The following SLC2A7 variants were observed in gnomAD, a reference collection of about 807,000 sequenced individuals.
SLC2A7 encodes the protein solute carrier family 2 member 7, also known as solute carrier family 2, facilitated glucose transporter member 7.
In SLC2A7, 50 loss-of-function variants were observed where a neutral mutation model predicts 50.5. The observed-to-expected ratio is 0.99, with a 90% confidence interval of 0.79 to 1.25. SLC2A7 has a LOEUF of 1.25. SLC2A7 is among the 50% of genes most tolerant of loss of function. The probability of loss-of-function intolerance (pLI) is 0.00; values close to 1 mark genes in which losing one functional copy is unlikely to be tolerated. For synonymous variants in SLC2A7, 308 were observed against 300.4 expected (o/e 1.03, Z -0.26); for missense variants, 683 against 679.1 (o/e 1.01, Z -0.06).
chr1:9,024,149 C>T (rs1329961789), intron 2 of SLC2A7, among the ~76,000 whole-genome samples: 1 of 152,094 alleles, frequency 6.6e-6, no homozygotes, highest in Non-Finnish European at 1.5e-5. Context: ...CAGGCGTGAG[C>T]CACCGCTCCC....
At chr1:9,013,479 C>T in intron 8 of SLC2A7, 46 bp downstream of exon 8, 1 of 1,568,300 alleles carries the variant, frequency 6.4e-7, no homozygotes, top group Non-Finnish European at 8.7e-7. Context: ...CTGGCGGCAC[C>T]TGGCCAGAGA....
At position 9,005,675 on chromosome 1, in the gene SLC2A7, G is replaced by A. The variant is rs151320138; in HGVS notation, c.1193-796C>T. Among the ~76,000 whole-genome samples the A allele has an allele frequency of 6.8e-3, 1,028 of 151,468 alleles. 8 individuals carry two copies. The highest frequency in any genetic ancestry group is 0.011 in the Non-Finnish European group (723 of 67,904). On this transcript the variant is annotated intron_variant, in intron 10 of 11. Transcript: ENST00000400906. ...ATAAAAATTAGTCCGGCATGGTGGC[G>A]TGTGCCTGTAGTCCCAGCTACTCAG... is the stretch of plus-strand genomic sequence containing the variant.
intron 10 of SLC2A7, among the ~76,000 whole-genome samples, chr1:9,006,742 G>A (rs1200611640): frequency 6.6e-6 from 1 of 152,352 alleles, no homozygotes; most frequent in South Asian, 2.1e-4. Flanking sequence ...ACAGTCAGGG[G>A]TGTCTTTTCC....
chr1:9,009,727 G>C (rs1640717195), intron 9 of SLC2A7, among the ~76,000 whole-genome samples: 1 of 152,230 alleles, frequency 6.6e-6, no homozygotes. Context: ...CAAAGTGCTA[G>C]GATTGCAGGA....
chr1:9,005,904 C>T (rs1460117752), intron 10 of SLC2A7, among the ~76,000 whole-genome samples: 1 of 152,202 alleles, frequency 6.6e-6, no homozygotes, highest in Non-Finnish European at 1.5e-5. Context: ...CTCCTGCAGC[C>T]CAGTGACTTG....
rs1453112588 is a variant in SLC2A7 at position 9,025,018 on chromosome 1, G to A, written c.108C>T (p.Phe36=). ...ATLSAAFGSA[F]QYGYNLSVVN... ...CCACAGAGAGGTTGTAGCCGTACTG[G>A]AAGGCTGAGCCAAAGGCCGCGCTCA... Residue 36 remains phenylalanine (F), a synonymous_variant, in exon 2 of 12, where the codon TTC becomes TTT. Transcript: ENST00000400906. 3.1e-6 allele frequency: 5 copies of A among 1,613,684 alleles called. No individual in the cohort carries two copies. Among genetic ancestry groups the A allele is most frequent in the Non-Finnish European group, 4.2e-6 (5 of 1,180,010 alleles).
At chr1:9,006,061 C>T (rs1640649034) in intron 10 of SLC2A7, among the ~76,000 whole-genome samples, 1 of 152,170 alleles carries the variant, frequency 6.6e-6, no homozygotes, top group African/African-American at 2.4e-5. Flanking sequence ...CATGCTCTGA[C>T]CTCGCGTCTG....
intron 1 of SLC2A7, 117 bp from the exon 2 acceptor site, chr1:9,025,191 C>T: frequency 9.6e-7 from 1 of 1,044,902 alleles, no homozygotes; most frequent in South Asian, 1.4e-5. Flanking sequence ...GGATCCCAGG[C>T]CGTGCCCCCG....
At chr1:9,017,436 C>A (rs553524486) in intron 5 of SLC2A7, among the ~76,000 whole-genome samples, 1 of 152,208 alleles carries the variant, frequency 6.6e-6, no homozygotes, top group Non-Finnish European at 1.5e-5. Context: ...AGGGTCCTGC[C>A]CCACACCCAG....
chr1:9,014,391 G>C (rs1177211120), intron 7 of SLC2A7, among the ~76,000 whole-genome samples: 2 of 152,146 alleles, frequency 1.3e-5, no homozygotes, highest in Non-Finnish European at 1.5e-5. Context: ...GGACCCAGGA[G>C]ACCTCAGCTC....
chr1:9,014,705 G>A lies in SLC2A7; in HGVS notation c.879C>T (p.Gly293=). ...QLLSIIVLMA[G]QQLSGINAIN... ...CCGCATTGATGCCCGACAGCTGCTG[G>A]CCGGCCATGAGCACGATGATGGAGA... The change falls in exon 7 of 12, where the codon GGC becomes GGT. Residue 293 remains glycine, a synonymous_variant. Transcript: ENST00000400906. 1.3e-6 allele frequency: 2 copies of A among 1,561,604 alleles called. No individual in the cohort carries two copies. The highest frequency in any genetic ancestry group is 1.7e-6 in the Non-Finnish European group (2 of 1,152,744).
chr1:9,006,436 C>T (rs367795953), intron 10 of SLC2A7, among the ~76,000 whole-genome samples: 3 of 152,224 alleles, frequency 2.0e-5, no homozygotes, highest in South Asian at 4.1e-4. Flanking sequence ...TTAGTAGAAA[C>T]GGAGTTTCAC....
At chr1:9,013,194 T>A (rs995678729) in intron 8 of SLC2A7, among the ~76,000 whole-genome samples, 7 of 151,952 alleles carry the variant, frequency 4.6e-5, no homozygotes, top group Non-Finnish European at 4.4e-5. Flanking sequence ...ACCTGGCTAA[T>A]TTTTTTGTAT....
At chr1:9,007,533 G>A in intron 9 of SLC2A7, 148 bp from the exon 10 acceptor site, 1 of 696,924 alleles carries the variant, frequency 1.4e-6, no homozygotes. Flanking sequence ...CTGTGGGCAA[G>A]AGAGGAAGGC....
chr1:8,993,629 C>CTTTA, the SLC2A7 span, among the ~76,000 whole-genome samples: 4 of 151,950 alleles, frequency 2.6e-5, no homozygotes, highest in South Asian at 2.1e-4. Flanking sequence ...AAAAACATGA[C>CTTTA]TTTATTTATT....
At chr1:9,004,200 GC>G (rs1640618100) in intron 11 of SLC2A7, among the ~76,000 whole-genome samples, 1 of 152,104 alleles carries the variant, frequency 6.6e-6, no homozygotes, top group Non-Finnish European at 1.5e-5. Context: ...ATGTGTGGTG[GC>G]CCATGCCTGT....
At position 9,025,039 on chromosome 1, in the gene SLC2A7, G is replaced by A. The variant is rs751486861; in HGVS notation, c.87C>T (p.Ser29=). The A allele has an allele frequency of 4.3e-6, 7 of 1,613,858 alleles. No homozygotes were observed. Among genetic ancestry groups the A allele is most frequent in the Admixed American group, 3.3e-5 (2 of 60,032 alleles). The change falls in exon 2 of 12, where the codon AGC becomes AGT. Residue 29 remains serine (S), a synonymous_variant. Transcript: ENST00000400906. ...ACTGGAAGGCTGAGCCAAAGGCCGCGCTCAGTGTCGCCAGCAACAGCGTCG... is the reference window on the plus strand; with the variant it reads ...ACTGGAAGGCTGAGCCAAAGGCCGCACTCAGTGTCGCCAGCAACAGCGTCG... ...LQPTLLLATL[S]AAFGSAFQYG...
Position 9,013,756 on chromosome 1 carries a change from G to A in SLC2A7, c.904-121C>T, listed in dbSNP as rs187428049. 9.7e-4 allele frequency: 736 copies of A among 762,506 alleles called. 4 individuals are homozygous for A. The African/African-American group carries it at 0.012, about 12-fold the overall frequency. 47.2% of individuals were successfully genotyped at this position (762,506 alleles called of 1,614,324 possible). A position where few individuals can be genotyped will look rare whatever the true frequency, so the allele number is the denominator to read the frequency against. ...GGTTGGGGACCCTGGGACAGGAAGA[G>A]GGTAGCAGGTGGTGGGAAAAAGAGG... On this transcript the variant is annotated intron_variant, in intron 7 of 11. Coordinates refer to ENST00000400906, the MANE Select transcript of SLC2A7 (RefSeq NM_207420.3).
chr1:9,006,838 G>T (rs1223424120), intron 10 of SLC2A7, among the ~76,000 whole-genome samples: 1 of 152,170 alleles, frequency 6.6e-6, no homozygotes, highest in East Asian at 1.9e-4. Flanking sequence ...GTGGGCCCAG[G>T]TGGAGGCCCG....
Sources: gnomAD v4.1 joint callset for allele counts (sites outside exome capture counted in the v4.1 genomes callset) on GRCh38, gnomAD v4.1.1 for gene constraint, MANE v1.5 for transcripts, NCBI Gene and HGNC (gene_info 2026-07-23, HGNC 2026-07-21) for gene names.